The following SPIDR variants were observed in gnomAD, a reference collection of about 807,000 sequenced individuals.
The protein encoded by SPIDR is DNA repair-scaffolding protein.
In SPIDR, 93 loss-of-function variants were observed where a neutral mutation model predicts 104.6. That is an observed-to-expected ratio of 0.89 (90% CI 0.75 to 1.06). SPIDR has a LOEUF of 1.06. Ranked by LOEUF, SPIDR falls within the 50% of genes least tolerant of loss-of-function variation. The pLI is 0.00. For synonymous variants in SPIDR, 431 were observed against 416.9 expected, an observed-to-expected ratio of 1.03 and a Z score of -0.41; for missense variants, 1,154 against 1,111.2, an observed-to-expected ratio of 1.04 and a Z score of -0.55.
At chr8:47,673,299 C>T (rs17614038) in intron 10 of SPIDR, 12 of 394,362 alleles carry the variant, frequency 3.0e-5, no homozygotes, top group Admixed American at 1.1e-4. Flanking sequence ...CTGGGATATG[C>T]GTGTCTAAAC....
intron 8 of SPIDR, among the ~76,000 whole-genome samples, chr8:47,575,799 A>C (rs747365545): frequency 6.7e-4 from 102 of 151,452 alleles, no homozygotes; most frequent in Non-Finnish European, 1.2e-3. Context: ...GTCTCTACTG[A>C]AAATACAAAA....
chr8:47,411,386 C>T (rs1175901232), intron 7 of SPIDR, among the ~76,000 whole-genome samples: 144 of 152,226 alleles, frequency 9.5e-4, no homozygotes, highest in African/African-American at 3.2e-3. Flanking sequence ...ATTGTGGTTT[C>T]GATTTGCATT....
At chr8:47,321,720 C>A (rs2046639599) in intron 5 of SPIDR, among the ~76,000 whole-genome samples, 1 of 152,194 alleles carries the variant, frequency 6.6e-6, no homozygotes, top group African/African-American at 2.4e-5. Flanking sequence ...GTAACCAAAA[C>A]TGCATGGTAC....
chr8:47,467,084 A>G (rs1554717909), intron 8 of SPIDR, among the ~76,000 whole-genome samples: 1 of 152,106 alleles, frequency 6.6e-6, no homozygotes, highest in Non-Finnish European at 1.5e-5. Context: ...TATTATGAAC[A>G]TCTCTATGCA....
At chr8:47,305,310 G>A (rs2042924199) in intron 5 of SPIDR, among the ~76,000 whole-genome samples, 1 of 152,198 alleles carries the variant, frequency 6.6e-6, no homozygotes, top group East Asian at 1.9e-4. Flanking sequence ...AGTAATGTGA[G>A]TGAGACTCAG....
intron 10 of SPIDR, among the ~76,000 whole-genome samples, chr8:47,623,219 AAG>A (rs2065429235): frequency 6.6e-6 from 1 of 152,166 alleles, no homozygotes; most frequent in Non-Finnish European, 1.5e-5. Flanking sequence ...CCTGCCCTAA[AAG>A]AGTTCCTGAA....
chr8:47,410,974 A>G (rs2063440044), intron 7 of SPIDR, among the ~76,000 whole-genome samples: 1 of 152,110 alleles, frequency 6.6e-6, no homozygotes, highest in Non-Finnish European at 1.5e-5. Flanking sequence ...CCATGTCCCT[A>G]CAAAGGACAT....
At chr8:47,732,991 A>G (rs2085514066) in intron 19 of SPIDR, among the ~76,000 whole-genome samples, 2 of 152,204 alleles carry the variant, frequency 1.3e-5, no homozygotes, top group Non-Finnish European at 2.9e-5. Context: ...TTTAAAAGAG[A>G]GCACATTTTA....
At chr8:47,372,250 A>G (rs782128781) in intron 5 of SPIDR, among the ~76,000 whole-genome samples, 3 of 152,214 alleles carry the variant, frequency 2.0e-5, no homozygotes, top group African/African-American at 4.8e-5. Flanking sequence ...AGCCTAGGAC[A>G]TTGTCAGGCT....
At chr8:47,359,293 A>G (rs908987602) in intron 5 of SPIDR, among the ~76,000 whole-genome samples, 27 of 151,012 alleles carry the variant, frequency 1.8e-4, no homozygotes, top group African/African-American at 6.1e-4. Flanking sequence ...AATTTTGTAT[A>G]GTGTTGTTTT....
At chr8:47,542,632 T>A (rs1014615955) in intron 8 of SPIDR, among the ~76,000 whole-genome samples, 1 of 152,158 alleles carries the variant, frequency 6.6e-6, no homozygotes, top group Admixed American at 6.5e-5. Context: ...TTAAACTTTT[T>A]ATTTTGAGGT....
At chr8:47,534,054 T>C (rs1472681120) in intron 8 of SPIDR, among the ~76,000 whole-genome samples, 1 of 152,188 alleles carries the variant, frequency 6.6e-6, no homozygotes, top group Non-Finnish European at 1.5e-5. Flanking sequence ...TGATAGTGAG[T>C]GAGTTCTCAT....
chr8:47,727,486 T>G (rs1315096141), intron 17 of SPIDR, among the ~76,000 whole-genome samples, 193 bp downstream of exon 17: 1 of 152,206 alleles, frequency 6.6e-6, no homozygotes, highest in Non-Finnish European at 1.5e-5. Context: ...TTCTGCTGTT[T>G]CTTGCAGCTG....
chr8:47,591,397 A>G (rs965120670), intron 8 of SPIDR, among the ~76,000 whole-genome samples: 2 of 151,580 alleles, frequency 1.3e-5, no homozygotes, highest in Admixed American at 6.6e-5. Context: ...TATAGAAACC[A>G]TACCTCCCTT....
chr8:47,587,893 A>G (rs1564406388), intron 8 of SPIDR, among the ~76,000 whole-genome samples: 1 of 150,812 alleles, frequency 6.6e-6, no homozygotes, highest in Non-Finnish European at 1.5e-5. Flanking sequence ...CAATAACACC[A>G]TATAATATTG....
At chr8:47,563,030 CT>C in intron 8 of SPIDR, among the ~76,000 whole-genome samples, 1 of 146,168 alleles carries the variant, frequency 6.8e-6, no homozygotes, top group South Asian at 2.1e-4. Flanking sequence ...GTACTTTACT[CT>C]TTTCTCTTTT....
At chr8:47,705,320 A>G (rs1273414172) in intron 14 of SPIDR, among the ~76,000 whole-genome samples, 1 of 152,202 alleles carries the variant, frequency 6.6e-6, no homozygotes, top group Non-Finnish European at 1.5e-5. Context: ...TTCAGTGAGC[A>G]TGGCTTCCAG....
At chr8:47,419,092 G>T (rs1447391966) in intron 7 of SPIDR, 1 of 152,142 alleles carries the variant, frequency 6.6e-6, no homozygotes, top group Non-Finnish European at 1.5e-5. Context: ...TTTTGGTTGT[G>T]TCTCTGCCAG....
At chr8:47,377,625 C>G (rs2154298454) in intron 5 of SPIDR, among the ~76,000 whole-genome samples, 1 of 152,292 alleles carries the variant, frequency 6.6e-6, no homozygotes, top group East Asian at 1.9e-4. Context: ...TGTGACTGAC[C>G]ACAGCTACTG....
Sources: allele counts gnomAD v4.1 joint callset (sites outside exome capture counted in the v4.1 genomes callset), GRCh38; gene constraint gnomAD v4.1.1; transcripts MANE v1.5; gene names NCBI Gene and HGNC (gene_info 2026-07-23, HGNC 2026-07-21).